The following ZNF385D variants were observed in gnomAD, a reference collection of about 807,000 sequenced individuals.
The protein encoded by ZNF385D is zinc finger protein 385D, also known as zinc finger protein 659.
A neutral mutation model predicts 35.8 loss-of-function variants in ZNF385D; 15 were observed. That is an observed-to-expected ratio of 0.42 (90% CI 0.28 to 0.64). The LOEUF (loss-of-function observed/expected upper bound fraction) is 0.64, where lower values mean the gene tolerates loss of function less well. Ranked by LOEUF, ZNF385D falls within the 30% of genes least tolerant of loss-of-function variation. The pLI is 0.23. For missense variants in ZNF385D, 474 were observed against 494.6 expected (o/e 0.96, Z 0.39); for synonymous variants, 212 against 186.8 (o/e 1.13, Z -1.10).
At chr3:21,859,210 C>T (rs963859304) in intron 3 of ZNF385D, among the ~76,000 whole-genome samples, 3 of 151,914 alleles carry the variant, frequency 2.0e-5, no homozygotes, top group Non-Finnish European at 4.4e-5. Context: ...CTTTCTGCTC[C>T]AGGGGATGGT....
chr3:21,934,583 G>A (rs531476331), intron 3 of ZNF385D, among the ~76,000 whole-genome samples: 3 of 152,202 alleles, frequency 2.0e-5, no homozygotes, highest in African/African-American at 7.2e-5. Context: ...TAACTTCTAA[G>A]ACAAACTATT....
At chr3:22,100,464 A>C (rs1701872440) in intron 3 of ZNF385D, among the ~76,000 whole-genome samples, 1 of 151,870 alleles carries the variant, frequency 6.6e-6, no homozygotes, top group Non-Finnish European at 1.5e-5. Flanking sequence ...CTGGATTAAG[A>C]AAATGTGGCA....
intron 3 of ZNF385D, among the ~76,000 whole-genome samples, chr3:21,956,676 T>G (rs1702307894): frequency 1.3e-5 from 2 of 151,588 alleles, no homozygotes; most frequent in African/African-American, 4.9e-5. Flanking sequence ...TAAAAAGTGA[T>G]AAATGATTTT....
At chr3:21,736,869 A>G (rs1353625230) in intron 1 of ZNF385D, among the ~76,000 whole-genome samples, 1 of 152,242 alleles carries the variant, frequency 6.6e-6, no homozygotes, top group Non-Finnish European at 1.5e-5. Flanking sequence ...AAATTCATCA[A>G]TAAAAAATTT....
chr3:21,696,373 G>T (rs2067470263), intron 1 of ZNF385D, among the ~76,000 whole-genome samples: 1 of 152,118 alleles, frequency 6.6e-6, no homozygotes. Flanking sequence ...AAGCATGCTG[G>T]CGATAATCCC....
intron 2 of ZNF385D, among the ~76,000 whole-genome samples, chr3:22,350,650 C>G (rs947258686): frequency 3.3e-5 from 5 of 152,074 alleles, no homozygotes; most frequent in Non-Finnish European, 5.9e-5. Context: ...AGCATATACT[C>G]AAGTAACAAT....
At chr3:22,124,825 C>G (rs1703333625) in intron 3 of ZNF385D, among the ~76,000 whole-genome samples, 1 of 152,010 alleles carries the variant, frequency 6.6e-6, no homozygotes, top group African/African-American at 2.4e-5. Flanking sequence ...AGTTTCTTGT[C>G]AGATGGATAG....
intron 2 of ZNF385D, among the ~76,000 whole-genome samples, chr3:22,349,893 T>G (rs577818133): frequency 1.3e-5 from 2 of 152,270 alleles, no homozygotes; most frequent in East Asian, 3.9e-4. Flanking sequence ...ATTAATAATA[T>G]AAGATGTAAC....
chr3:22,227,538 A>C (rs1698634331), intron 2 of ZNF385D, among the ~76,000 whole-genome samples: 2 of 152,194 alleles, frequency 1.3e-5, no homozygotes, highest in Non-Finnish European at 2.9e-5. Context: ...CATGAACAAC[A>C]AATGAAGTCT....
At chr3:22,267,112 A>C (rs1700934255) in intron 2 of ZNF385D, among the ~76,000 whole-genome samples, 2 of 151,968 alleles carry the variant, frequency 1.3e-5, no homozygotes, top group South Asian at 4.1e-4. Flanking sequence ...TTACGTCATG[A>C]ACTAAGCTAA....
intron 3 of ZNF385D, among the ~76,000 whole-genome samples, chr3:22,036,716 T>G (rs1018701817): frequency 3.3e-5 from 5 of 150,522 alleles, no homozygotes; most frequent in Admixed American, 6.6e-5. Flanking sequence ...TAGGTTTTTT[T>G]TTTTTTTTTT....
intron 4 of ZNF385D, among the ~76,000 whole-genome samples, chr3:21,461,927 G>A (rs756437871): frequency 1.3e-5 from 2 of 149,152 alleles, no homozygotes; most frequent in Non-Finnish European, 2.9e-5. Flanking sequence ...TTAAGTATCT[G>A]ACTTAGAGCC....
Position 21,656,766 on chromosome 3 carries a change from A to G in ZNF385D, c.165+8120T>C, listed in dbSNP as rs572351342. Among the ~76,000 whole-genome samples, 14 of 152,062 alleles carry G rather than the reference A, an allele frequency of 9.2e-5. No individual in the cohort carries two copies. In the South Asian group the frequency reaches 2.1e-3, roughly 23 times the overall value. ...TAGCCATGAAACTGGACATCACTCA[A>G]TAACTCTAGGCTTGCTTACCTGTAA... On this transcript the variant is annotated intron_variant, in intron 2 of 7. Coordinates refer to ENST00000281523, the MANE Select transcript of ZNF385D (RefSeq NM_024697.3).
At chr3:21,995,800 T>A (rs978185006) in intron 3 of ZNF385D, among the ~76,000 whole-genome samples, 3 of 151,792 alleles carry the variant, frequency 2.0e-5, no homozygotes, top group African/African-American at 7.3e-5. Flanking sequence ...TACTGCTAGT[T>A]GGTAGGGAGA....
At chr3:21,948,089 CT>C (rs201785883) in intron 3 of ZNF385D, among the ~76,000 whole-genome samples, 1 of 151,936 alleles carries the variant, frequency 6.6e-6, no homozygotes, top group Non-Finnish European at 1.5e-5. Context: ...TAATGTACAT[CT>C]TTTTTTCCTG....
intron 2 of ZNF385D, among the ~76,000 whole-genome samples, chr3:22,312,774 A>G (rs1298155213): frequency 6.7e-6 from 1 of 148,170 alleles, no homozygotes; most frequent in African/African-American, 2.5e-5. Flanking sequence ...GAGGATGTGG[A>G]GAAATAGGAA....
intron 2 of ZNF385D, among the ~76,000 whole-genome samples, chr3:21,604,767 C>T (rs2064426927): frequency 6.6e-6 from 1 of 152,008 alleles, no homozygotes; most frequent in Admixed American, 6.6e-5. Flanking sequence ...ATGGGGTCAG[C>T]TGCTATAGGA....
chr3:21,556,057 T>TTTTTG, intron 3 of ZNF385D, among the ~76,000 whole-genome samples: 1 of 132,552 alleles, frequency 7.5e-6, no homozygotes, highest in Non-Finnish European at 1.6e-5. Flanking sequence ...TTTGACGTTT[T>TTTTTG]TTTTGTTTTT....
At chr3:21,656,476 G>A (rs899602659) in intron 2 of ZNF385D, among the ~76,000 whole-genome samples, 1 of 151,846 alleles carries the variant, frequency 6.6e-6, no homozygotes, top group Non-Finnish European at 1.5e-5. Flanking sequence ...TTCAATGCAA[G>A]TCTCTGTGTG....
Sources: allele counts gnomAD v4.1 joint callset (sites outside exome capture counted in the v4.1 genomes callset), GRCh38; gene constraint gnomAD v4.1.1; transcripts MANE v1.5; gene names NCBI Gene and HGNC (gene_info 2026-07-23, HGNC 2026-07-21).